The following NCKAP5 variants were observed in gnomAD, a reference collection of about 807,000 sequenced individuals.
NCKAP5 encodes NCK associated protein 5.
NCKAP5 carries 92 observed loss-of-function variants against 167.0 expected under a neutral mutation model. That is an observed-to-expected ratio of 0.55 (90% CI 0.47 to 0.66). The LOEUF is 0.66. Ranked by LOEUF, NCKAP5 falls within the 30% of genes least tolerant of loss-of-function variation. NCKAP5 has a pLI of 0.00. For synonymous variants in NCKAP5, 891 were observed against 877.4 expected (o/e 1.02, Z -0.27); for missense variants, 2,378 against 2,315.0 (o/e 1.03, Z -0.56).
chr2:132,870,538 C>T (rs1235676628), intron 9 of NCKAP5, among the ~76,000 whole-genome samples: 1 of 152,076 alleles, frequency 6.6e-6, no homozygotes, highest in African/African-American at 2.4e-5. Context: ...TGGTCCTTGA[C>T]TTCAAAGACT....
chr2:133,368,127 A>G (rs1028184760), intron 3 of NCKAP5, among the ~76,000 whole-genome samples: 1 of 152,210 alleles, frequency 6.6e-6, no homozygotes, highest in Admixed American at 6.5e-5. Flanking sequence ...TCAGCAGTCA[A>G]TATATATTTC....
chr2:133,352,677 G>A (rs1559408782), intron 3 of NCKAP5, among the ~76,000 whole-genome samples: 1 of 152,210 alleles, frequency 6.6e-6, no homozygotes, highest in Non-Finnish European at 1.5e-5. Context: ...GCAGGTACAA[G>A]AGAGCATGTG....
intron 16 of NCKAP5, among the ~76,000 whole-genome samples, chr2:132,732,834 G>A (rs988275743): frequency 6.6e-5 from 10 of 152,162 alleles, no homozygotes; most frequent in African/African-American, 1.9e-4. Flanking sequence ...ATTTGACTGT[G>A]GGGACAAGTA....
At chr2:133,217,829 C>A (rs1170931783) in intron 4 of NCKAP5, among the ~76,000 whole-genome samples, 1 of 152,136 alleles carries the variant, frequency 6.6e-6, no homozygotes, top group East Asian at 1.9e-4. Context: ...CGCAGGTACA[C>A]TGCACACATA....
rs190134774 is a variant in NCKAP5, at chr2:133,341,381, T to C, written c.70-38271A>G. 4.0e-5 allele frequency among the ~76,000 whole-genome samples: 6 copies of C among 151,702 alleles called. No homozygotes were observed. The East Asian group carries it at 9.7e-4, about 25-fold the overall frequency. On this transcript the variant is annotated intron_variant, in intron 3 of 19. Coordinates refer to ENST00000409261, the MANE Select transcript of NCKAP5 (RefSeq NM_207363.3). ...GGCAATGTTTCTAAGGGGGATAAGGTGGAGTGGGCTCTCTTGCTTAGAGGA... is the reference window on the plus strand; with the variant it reads ...GGCAATGTTTCTAAGGGGGATAAGGCGGAGTGGGCTCTCTTGCTTAGAGGA...
intron 11 of NCKAP5, among the ~76,000 whole-genome samples, chr2:132,803,259 G>A (rs1685174477): frequency 1.3e-5 from 2 of 152,118 alleles, no homozygotes; most frequent in Admixed American, 6.5e-5. Context: ...AATTTTTACA[G>A]CTAATTTTTT....
At chr2:133,537,976 T>C (rs1685888288) in intron 2 of NCKAP5, among the ~76,000 whole-genome samples, 1 of 152,178 alleles carries the variant, frequency 6.6e-6, no homozygotes, top group Non-Finnish European at 1.5e-5. Flanking sequence ...TTAACTCCTA[T>C]AACCTCAGAA....
chr2:133,347,106 G>A lies in NCKAP5; in HGVS notation c.70-43996C>T, dbSNP rs113490711. On this transcript the variant is annotated intron_variant, in intron 3 of 19. Coordinates refer to ENST00000409261, the MANE Select transcript of NCKAP5 (RefSeq NM_207363.3). ...TATGTTAAAAGTTCTACAAAGCTAT[G>A]TACATAGAGATAAGGCTGGAAGGAA... Among the ~76,000 whole-genome samples, 515 of 152,298 alleles carry A rather than the reference G, an allele frequency of 3.4e-3. 8 individuals are homozygous for A. Among genetic ancestry groups the A allele is most frequent in the African/African-American group, 0.012 (498 of 41,546 alleles).
chr2:133,529,674 C>T (rs1685203041), intron 2 of NCKAP5, among the ~76,000 whole-genome samples: 1 of 152,094 alleles, frequency 6.6e-6, no homozygotes, highest in African/African-American at 2.4e-5. Context: ...TGTAAGACTA[C>T]CTGTTTTCCA....
chr2:132,805,195 ATCC>A (rs1202496273), intron 11 of NCKAP5, among the ~76,000 whole-genome samples: 1 of 152,036 alleles, frequency 6.6e-6, no homozygotes, highest in Non-Finnish European at 1.5e-5. Flanking sequence ...ATCCTTTTAA[ATCC>A]TCATTACAAC....
intron 3 of NCKAP5, among the ~76,000 whole-genome samples, chr2:133,507,848 G>A (rs887624186): frequency 6.6e-6 from 1 of 152,112 alleles, no homozygotes; most frequent in Non-Finnish European, 1.5e-5. Context: ...GAGAAATACT[G>A]CTCCATTCAT....
At chr2:133,043,455 G>A (rs2079282030) in intron 6 of NCKAP5, among the ~76,000 whole-genome samples, 1 of 152,086 alleles carries the variant, frequency 6.6e-6, no homozygotes, top group Non-Finnish European at 1.5e-5. Flanking sequence ...TTGGGCCACA[G>A]TGGAAGAAGA....
chr2:133,186,080 T>C (rs1187510413), intron 5 of NCKAP5, among the ~76,000 whole-genome samples: 3 of 152,178 alleles, frequency 2.0e-5, no homozygotes, highest in Non-Finnish European at 2.9e-5. Flanking sequence ...TTGTTCAGTA[T>C]GATGTTGGCT....
chr2:133,477,859 G>C (rs1156946855), intron 3 of NCKAP5, among the ~76,000 whole-genome samples: 1 of 152,146 alleles, frequency 6.6e-6, no homozygotes, highest in Non-Finnish European at 1.5e-5. Flanking sequence ...AGGTCAGCAT[G>C]AGATTTTTTC....
chr2:132,976,520 C>A (rs373929646), intron 7 of NCKAP5, among the ~76,000 whole-genome samples: 3 of 146,256 alleles, frequency 2.1e-5, no homozygotes, highest in East Asian at 2.0e-4. Context: ...GCTGAGATGG[C>A]GCCACTGCAC....
intron 5 of NCKAP5, among the ~76,000 whole-genome samples, chr2:133,137,406 T>TTTTGTGTGTGTGTG (rs2082829308): frequency 7.3e-6 from 1 of 136,204 alleles, no homozygotes; most frequent in Non-Finnish European, 1.6e-5. Context: ...GAGCTTGGTT[T>TTTTGTGTGTGTGTG]TGTGTGTGTG....
the NCKAP5 span, among the ~76,000 whole-genome samples, chr2:133,616,385 C>G: frequency 2.9e-4 from 44 of 151,890 alleles, no homozygotes; most frequent in African/African-American, 1.0e-3. Flanking sequence ...AAAGCATCAA[C>G]AAAGTTGATA....
At chr2:133,420,318 T>G (rs1463669883) in intron 3 of NCKAP5, among the ~76,000 whole-genome samples, 2 of 152,170 alleles carry the variant, frequency 1.3e-5, no homozygotes, top group East Asian at 3.8e-4. Context: ...CATGGAGAAA[T>G]CCTGAAAATA....
intron 13 of NCKAP5, 78 bp downstream of exon 13, chr2:132,789,945 C>A: frequency 7.0e-7 from 1 of 1,422,348 alleles, no homozygotes; most frequent in Non-Finnish European, 9.5e-7. Context: ...ACCCCTCCCA[C>A]CTGCCCTTCA....
Sources: allele counts gnomAD v4.1 joint callset (sites outside exome capture counted in the v4.1 genomes callset), GRCh38; gene constraint gnomAD v4.1.1; transcripts MANE v1.5; gene names NCBI Gene and HGNC (gene_info 2026-07-23, HGNC 2026-07-21).